The following LATS1 variants were observed in gnomAD, a reference collection of about 807,000 sequenced individuals.
LATS1 encodes the protein large tumor suppressor kinase 1.
A neutral mutation model predicts 106.6 loss-of-function variants in LATS1; 25 were observed. That is an observed-to-expected ratio of 0.23 (90% CI 0.17 to 0.33). The LOEUF (loss-of-function observed/expected upper bound fraction) is 0.33, where lower values mean the gene tolerates loss of function less well. LATS1 is among the 10% of genes least tolerant of loss of function. The probability of loss-of-function intolerance (pLI) is 1.00; values close to 1 mark genes in which losing one functional copy is unlikely to be tolerated. For synonymous variants in LATS1, 465 were observed against 455.6 expected (o/e 1.02, Z -0.26); for missense variants, 1,040 against 1,382.6 (o/e 0.75, Z 3.93).
Position 149,683,505 on chromosome 6 carries a change from T to C in LATS1, c.1584A>G (p.Gln528=), listed in dbSNP as rs932095610. Residue 528 remains glutamine (Q), a synonymous_variant, in exon 4 of 8, where the codon CAA becomes CAG. Transcript: ENST00000543571. ...CGGTTCCCTCAGGAAAAGGACTGGG[T>C]TGAACAGTTTGAATTGGCTGTGGTA... The part of the protein sequence containing the change: ...SWIPQPIQTV[Q]PSPFPEGTAS... The C allele has an allele frequency of 1.2e-6, 2 of 1,614,140 alleles. No individual in the cohort carries two copies. The highest frequency in any genetic ancestry group is 1.6e-4 in the Middle Eastern group (1 of 6,062).
chr6:149,672,095 GT>G (rs1781471423), intron 7 of LATS1, among the ~76,000 whole-genome samples: 1 of 151,808 alleles, frequency 6.6e-6, no homozygotes, highest in Non-Finnish European at 1.5e-5. Flanking sequence ...GTTTCGCCAA[GT>G]TGGCCAGGCT....
chr6:149,708,511 T>C (rs983187851), intron 1 of LATS1, among the ~76,000 whole-genome samples: 2 of 152,126 alleles, frequency 1.3e-5, no homozygotes, highest in Non-Finnish European at 2.9e-5. Flanking sequence ...CTTTAGCCAA[T>C]TGCTTTTGGT....
intron 1 of LATS1, among the ~76,000 whole-genome samples, chr6:149,716,946 C>A (rs1784427760): frequency 6.6e-6 from 1 of 151,542 alleles, no homozygotes; most frequent in Non-Finnish European, 1.5e-5. Flanking sequence ...TCAGAAACTT[C>A]TGATAAACTG....
intron 1 of LATS1, among the ~76,000 whole-genome samples, chr6:149,702,556 A>C (rs1157453192): frequency 6.6e-6 from 1 of 152,220 alleles, no homozygotes; most frequent in Admixed American, 6.5e-5. Flanking sequence ...TAAGTGAACA[A>C]TAAAACAGGT....
rs1411753668 is a variant in LATS1 at position 149,659,205 on chromosome 6, C to T, written c.*2524G>A. ...TATTTGCGCCAGGCGCGGTGGGTCACGTCTGTAATCCCAGCACTTTGGGAG... is the reference window on the plus strand; with the variant it reads ...TATTTGCGCCAGGCGCGGTGGGTCATGTCTGTAATCCCAGCACTTTGGGAG... On this transcript the variant is annotated 3_prime_UTR_variant, in exon 8 of 8. Coordinates refer to ENST00000543571, the MANE Select transcript of LATS1 (RefSeq NM_004690.4). 2.2e-5 allele frequency: 4 copies of T among 178,286 alleles called. No homozygotes were observed. Among genetic ancestry groups the T allele is most frequent in the Admixed American group, 1.3e-4 (2 of 15,854 alleles). 11.0% of individuals were successfully genotyped at this position (178,286 alleles called of 1,614,324 possible). A position where few individuals can be genotyped will look rare whatever the true frequency, so the allele number is the denominator to read the frequency against.
chr6:149,717,716 A>C, intron 1 of LATS1, 133 bp downstream of exon 1: 1 of 210,476 alleles, frequency 4.8e-6, no homozygotes. Context: ...TCAGGCCCGG[A>C]GCGGGCCGGC....
Position 149,659,598 on chromosome 6 carries a change from T to C in LATS1, c.*2131A>G, listed in dbSNP as rs1380207311. The C allele has an allele frequency of 1.3e-5, 3 of 231,012 alleles. No homozygotes were observed. Among genetic ancestry groups the C allele is most frequent in the Non-Finnish European group, 2.6e-5 (3 of 116,742 alleles). The allele number at this position is 231,012 out of a possible 1,614,324, so 14.3% of individuals were successfully genotyped here. A position where few individuals can be genotyped will look rare whatever the true frequency, so the allele number is the denominator to read the frequency against. ...CTACAACATAAATGTAACAAAGTTA[T>C]CTTCTACTGTATTGCACCTTAGTCC... is the stretch of plus-strand genomic sequence containing the variant. On this transcript the variant is annotated 3_prime_UTR_variant, in exon 8 of 8. Coordinates refer to ENST00000543571, the MANE Select transcript of LATS1 (RefSeq NM_004690.4).
chr6:149,695,229 G>A lies in LATS1; in HGVS notation c.349-8C>T. On this transcript the variant is annotated splice_region_variant and splice_polypyrimidine_tract_variant and intron_variant, in intron 2 of 7. Coordinates refer to ENST00000543571, the MANE Select transcript of LATS1 (RefSeq NM_004690.4). ...AGCTTGTATAACCATATCCTGATAT[G>A]AATTGAAGTTTAAAAAAAAAGAAAC... The A allele has an allele frequency of 6.5e-7, 1 of 1,548,666 alleles. No homozygotes were observed. The highest frequency in any genetic ancestry group is 2.3e-5 in the East Asian group (1 of 43,934).
At chr6:149,703,336 C>G (rs940745146) in intron 1 of LATS1, among the ~76,000 whole-genome samples, 1 of 152,074 alleles carries the variant, frequency 6.6e-6, no homozygotes, top group Non-Finnish European at 1.5e-5. Context: ...AAAACAGATG[C>G]CTGAGTTTAT....
At chr6:149,673,274 T>A (rs530539198) in intron 7 of LATS1, among the ~76,000 whole-genome samples, 2 of 151,590 alleles carry the variant, frequency 1.3e-5, no homozygotes, top group Admixed American at 6.6e-5. Flanking sequence ...ATTTTTCTAT[T>A]TTTTTTGTAG....
At chr6:149,681,878 G>T (rs960672528) in intron 4 of LATS1, among the ~76,000 whole-genome samples, 1 of 152,140 alleles carries the variant, frequency 6.6e-6, no homozygotes, top group Admixed American at 6.6e-5. Flanking sequence ...GCTTTGGGAG[G>T]CAGACGCGGG....
chr6:149,662,238 C>A lies in LATS1; in HGVS notation c.2884G>T (p.Val962Phe). 2 of 1,560,428 alleles carry A rather than the reference C, an allele frequency of 1.3e-6. No homozygotes were observed. Among genetic ancestry groups the A allele is most frequent in the Admixed American group, 2.0e-5 (1 of 48,792 alleles). The change falls in exon 8 of 8, where the codon GTT (valine) becomes TTT (phenylalanine). Residue 962 changes from valine to phenylalanine, a missense_variant and splice_region_variant. By Grantham distance (50) the Val-to-Phe change is conservative. Transcript: ENST00000543571. ...TGAAGAGATGTTTGCCAGTTGATAA[C>A]CTTTAAAGATTTTTTAAAATTAGGG... The part of the protein sequence containing the change: ...AQTPLETQMK[V>F]INWQTSLHIP...
chr6:149,666,803 G>T (rs537097301), intron 7 of LATS1, among the ~76,000 whole-genome samples: 1 of 151,846 alleles, frequency 6.6e-6, no homozygotes, highest in East Asian at 1.9e-4. Context: ...TTAGCCGGGC[G>T]TGGTGGTGGG....
intron 7 of LATS1, among the ~76,000 whole-genome samples, chr6:149,675,481 A>G (rs1391529243): frequency 6.6e-6 from 1 of 152,214 alleles, no homozygotes; most frequent in African/African-American, 2.4e-5. Context: ...GTTTGCATAG[A>G]AGGAGACAAG....
chr6:149,676,087 A>G (rs1418836877), intron 7 of LATS1, 173 bp downstream of exon 7: 18 of 571,156 alleles, frequency 3.2e-5, no homozygotes, highest in Admixed American at 1.5e-4. Context: ...CCTAGGCTCA[A>G]GCAATCCTCC....
intron 3 of LATS1, 97 bp from the exon 4 acceptor site, chr6:149,684,689 C>T: frequency 1.3e-6 from 1 of 781,764 alleles, no homozygotes; most frequent in Non-Finnish European, 2.0e-6. Context: ...ACAAATGATA[C>T]TCAATTCTCT....
intron 1 of LATS1, among the ~76,000 whole-genome samples, chr6:149,712,216 A>G (rs542614608): frequency 1.4e-4 from 22 of 152,110 alleles, no homozygotes; most frequent in African/African-American, 3.4e-4. Flanking sequence ...TTATTTATTT[A>G]TAGATGGAGT....
intron 7 of LATS1, among the ~76,000 whole-genome samples, chr6:149,664,958 C>T (rs966885091): frequency 2.0e-5 from 3 of 152,136 alleles, no homozygotes; most frequent in Admixed American, 2.0e-4. Flanking sequence ...CTAGTTCAGG[C>T]TCAGGGAGTA....
At chr6:149,705,204 T>C (rs1343628930) in intron 1 of LATS1, among the ~76,000 whole-genome samples, 1 of 152,186 alleles carries the variant, frequency 6.6e-6, no homozygotes, top group East Asian at 1.9e-4. Flanking sequence ...GGACATACCA[T>C]GTGCTTTTTA....
Sources: gnomAD v4.1 joint callset for allele counts (sites outside exome capture counted in the v4.1 genomes callset) on GRCh38, gnomAD v4.1.1 for gene constraint, MANE v1.5 for transcripts, NCBI Gene and HGNC (gene_info 2026-07-23, HGNC 2026-07-21) for gene names.